Variants in ABL2 observed in about 807,000 individuals in gnomAD.
ABL2 encodes the protein tyrosine-protein kinase ABL2.
A neutral mutation model predicts 107.7 loss-of-function variants in ABL2; 49 were observed. The ratio of observed to expected loss-of-function variants is 0.45; its 90% CI spans 0.36 to 0.58. The LOEUF is 0.58. Among genes scored for constraint, ABL2 ranks in the 20% least tolerant of loss-of-function variants. The probability of loss-of-function intolerance (pLI) is 0.00; values close to 1 mark genes in which losing one functional copy is unlikely to be tolerated. For synonymous variants in ABL2, 549 were observed against 548.6 expected (o/e 1.00, Z -0.01); for missense variants, 1,245 against 1,457.0 (o/e 0.85, Z 2.37).
Position 179,108,488 on chromosome 1 carries a change from G to A in ABL2, c.2779C>T (p.His927Tyr). 2 of 1,614,212 alleles carry A rather than the reference G, an allele frequency of 1.2e-6. No individual in the cohort carries two copies. Among genetic ancestry groups the A allele is most frequent in the Middle Eastern group, 1.6e-4 (1 of 6,062 alleles). ...AKAAPVLPTT[H>Y]NHKVPVLISP... ...ATAAGGACTGGCACTTTGTGGTTGT[G>A]AGTGGTTGGGAGGACGGGGGCAGCC... The change falls in exon 12 of 12, where the codon CAC becomes TAC. Residue 927 changes from histidine (H) to tyrosine (Y), a missense_variant. This residue lies in a region of ABL2 where 761 missense variants were observed against 766.4 expected (regional missense o/e 0.99). Coordinates refer to ENST00000502732, the MANE Select transcript of ABL2 (RefSeq NM_007314.4).
intron 1 of ABL2, among the ~76,000 whole-genome samples, chr1:179,174,061 G>A (rs933512067): frequency 6.6e-6 from 1 of 151,734 alleles, no homozygotes; most frequent in African/African-American, 2.4e-5. Context: ...AGGCCGAGGT[G>A]GGCGGATCAC....
At chr1:179,120,106 A>T in intron 6 of ABL2, 84 bp downstream of exon 6, 1 of 829,038 alleles carries the variant, frequency 1.2e-6, no homozygotes, top group East Asian at 2.8e-5. Flanking sequence ...TTTAAAAAGA[A>T]AAAAAAAAAG....
intron 1 of ABL2, among the ~76,000 whole-genome samples, chr1:179,147,181 CAAAAAAAAAAAAAAA>C (rs58297805): frequency 9.9e-5 from 5 of 50,528 alleles, no homozygotes; most frequent in African/African-American, 3.8e-4. Flanking sequence ...CAGAGAAATG[CAAAAAAAAAAAAAAA>C]AAAAAAAAAA....
At chr1:179,223,173 G>A (rs1662975201) in intron 1 of ABL2, among the ~76,000 whole-genome samples, 1 of 151,258 alleles carries the variant, frequency 6.6e-6, no homozygotes, top group Non-Finnish European at 1.5e-5. Context: ...CAGCACTTTG[G>A]GAGGCCAAGG....
At chr1:179,210,016 A>C (rs1662177088) in intron 1 of ABL2, among the ~76,000 whole-genome samples, 1 of 152,106 alleles carries the variant, frequency 6.6e-6, no homozygotes. Context: ...CTAGGACTAC[A>C]GGCACACAGC....
In ABL2 at chr1:179,229,269, C is replaced by G; in HGVS notation, c.129G>C (p.Glu43Asp). ...GCTGGGTGAAGATATTGAAGCCGGTCTCTGTGGTGCGCCCCGCCGGGTCCC... is the reference window on the plus strand; with the variant it reads ...GCTGGGTGAAGATATTGAAGCCGGTGTCTGTGGTGCGCCCCGCCGGGTCCC... ...RRRDPAGRTT[E>D]TGFNIFTQHD... The change falls in exon 1 of 12, where the codon GAG (glutamate) becomes GAC (aspartate). Residue 43 changes from glutamate (E) to aspartate (D), a missense_variant. By Grantham distance (45) the Glu-to-Asp change is conservative. This residue lies in a region of ABL2 where 164 missense variants were observed against 143.7 expected (regional missense o/e 1.14). Transcript: ENST00000502732. 6.4e-7 allele frequency: 1 copy of G among 1,560,774 alleles called. No individual in the cohort carries two copies. The highest frequency in any genetic ancestry group is 8.7e-7 in the Non-Finnish European group (1 of 1,154,408).
At chr1:179,120,138 T>A (rs1655046186) in intron 6 of ABL2, 52 bp downstream of exon 6, 2 of 1,273,782 alleles carry the variant, frequency 1.6e-6, no homozygotes, top group Non-Finnish European at 2.2e-6. Context: ...AACAAGGGGT[T>A]AAAGGGCAAG....
At position 179,108,306 on chromosome 1, in the gene ABL2, T is replaced by C. The variant is rs753567607; in HGVS notation, c.2961A>G (p.Pro987=). Reference sequence around the variant, plus strand: ...GATGCTGCAGTAGTCTCATCACTGGTGGTGGGGGTGGGGCACACTTTGGTT... The same window carrying C: ...GATGCTGCAGTAGTCTCATCACTGGCGGTGGGGGTGGGGCACACTTTGGTT... The part of the protein sequence containing the change: ...RVKPKCAPPP[P]PVMRLLQHPS... Residue 987 remains proline (P), a synonymous_variant, in exon 12 of 12, where the codon CCA becomes CCG. Coordinates refer to ENST00000502732, the MANE Select transcript of ABL2 (RefSeq NM_007314.4). The C allele has an allele frequency of 6.8e-6, 11 of 1,612,736 alleles. No individual in the cohort carries two copies. Among genetic ancestry groups the C allele is most frequent in the Non-Finnish European group, 9.3e-6 (11 of 1,179,810 alleles).
At chr1:179,111,997 A>G (rs1048490282) in intron 10 of ABL2, among the ~76,000 whole-genome samples, 1 of 152,110 alleles carries the variant, frequency 6.6e-6, no homozygotes, top group African/African-American at 2.4e-5. Flanking sequence ...GTGAGCTGAC[A>G]TCGCACCACT....
chr1:179,176,865 T>G (rs1301935161), intron 1 of ABL2, among the ~76,000 whole-genome samples: 1 of 151,892 alleles, frequency 6.6e-6, no homozygotes, highest in Non-Finnish European at 1.5e-5. Context: ...TTGGCTAATT[T>G]TTGTATTTTT....
intron 1 of ABL2, among the ~76,000 whole-genome samples, chr1:179,142,265 T>C (rs1260950188): frequency 6.6e-6 from 1 of 152,138 alleles, no homozygotes; most frequent in African/African-American, 2.4e-5. Context: ...AAATATATTA[T>C]CACAATTTAA....
At chr1:179,140,021 G>A (rs553415841) in intron 1 of ABL2, among the ~76,000 whole-genome samples, 19 of 152,204 alleles carry the variant, frequency 1.2e-4, no homozygotes, top group African/African-American at 4.6e-4. Context: ...CCATGCTTCC[G>A]TGCTTGTTCC....
At chr1:179,156,920 A>G (rs967952863) in intron 1 of ABL2, among the ~76,000 whole-genome samples, 1 of 124,792 alleles carries the variant, frequency 8.0e-6, no homozygotes, top group South Asian at 2.7e-4. Context: ...TAAATAAATA[A>G]ATAAATAAAT....
At chr1:179,135,179 G>C (rs1273539205) in intron 1 of ABL2, among the ~76,000 whole-genome samples, 1 of 151,926 alleles carries the variant, frequency 6.6e-6, no homozygotes, top group East Asian at 1.9e-4. Context: ...GAGCATCTCC[G>C]CCTGGCCGCC....
At chr1:179,203,766 T>A (rs1661803363) in intron 1 of ABL2, among the ~76,000 whole-genome samples, 1 of 152,186 alleles carries the variant, frequency 6.6e-6, no homozygotes, top group African/African-American at 2.4e-5. Context: ...CGTGCCAGTA[T>A]CACGCTGTTT....
At chr1:179,196,605 C>T (rs1313874677) in intron 1 of ABL2, 3 of 152,060 alleles carry the variant, frequency 2.0e-5, no homozygotes, top group African/African-American at 7.2e-5. Flanking sequence ...ACTAGAAATA[C>T]AAAAACTAGC....
intron 5 of ABL2, among the ~76,000 whole-genome samples, chr1:179,121,063 G>A (rs1472805006): frequency 6.6e-6 from 1 of 152,176 alleles, no homozygotes; most frequent in Non-Finnish European, 1.5e-5. Context: ...ATACACCAGA[G>A]ACAGTTACTG....
At chr1:179,161,982 A>G (rs563013812) in intron 1 of ABL2, among the ~76,000 whole-genome samples, 40 of 152,264 alleles carry the variant, frequency 2.6e-4, no homozygotes, top group African/African-American at 8.7e-4. Flanking sequence ...GTCTTCTGCC[A>G]TGATGCAGCA....
intron 1 of ABL2, chr1:179,201,792 G>T: frequency 1.1e-6 from 1 of 937,114 alleles, no homozygotes; most frequent in South Asian, 1.4e-5. Context: ...AATCGGTTGA[G>T]GTGGACAGTT....
Sources: gnomAD v4.1 joint callset for allele counts (sites outside exome capture counted in the v4.1 genomes callset) on GRCh38, gnomAD v4.1.1 for gene constraint, gnomAD v4.1.1 regional missense constraint, MANE v1.5 for transcripts, NCBI Gene and HGNC (gene_info 2026-07-23, HGNC 2026-07-21) for gene names.